Variants in KCNJ6 observed in about 807,000 individuals in gnomAD.
KCNJ6 encodes G protein-activated inward rectifier potassium channel 2.
A neutral mutation model predicts 34.2 loss-of-function variants in KCNJ6; 9 were observed. The observed-to-expected ratio is 0.26, with a 90% CI of 0.16 to 0.46. The LOEUF is 0.46. Among genes scored for constraint, KCNJ6 ranks in the 20% least tolerant of loss-of-function variants. The pLI is 1.00. For missense variants in KCNJ6, 236 were observed against 531.3 expected (o/e 0.44, Z 5.46); for synonymous variants, 196 against 207.1 (o/e 0.95, Z 0.46).
chr21:37,798,140 C>T (rs918505788), intron 2 of KCNJ6, among the ~76,000 whole-genome samples: 7 of 152,168 alleles, frequency 4.6e-5, no homozygotes, highest in Admixed American at 3.9e-4. Flanking sequence ...TTATTACAAG[C>T]CCTGTTTTAC....
intron 1 of KCNJ6, among the ~76,000 whole-genome samples, chr21:37,913,629 C>A (rs2055877667): frequency 6.6e-6 from 1 of 152,122 alleles, no homozygotes; most frequent in African/African-American, 2.4e-5. Context: ...ACCAGCCTGA[C>A]CAACATGGTG....
chr21:37,631,205 A>C, intron 3 of KCNJ6, among the ~76,000 whole-genome samples: 1 of 152,196 alleles, frequency 6.6e-6, no homozygotes, highest in East Asian at 1.9e-4. Flanking sequence ...AAGTGAAAAG[A>C]GTAGACTTAG....
Position 37,788,301 on chromosome 21 carries a change from C to A in KCNJ6, c.25+52357G>T, listed in dbSNP as rs143574401. Among the ~76,000 whole-genome samples the A allele has an allele frequency of 1.2e-4, 18 of 152,248 alleles. No homozygotes were observed. In the East Asian group the frequency reaches 3.5e-3, roughly 29 times the overall value. On this transcript the variant is annotated intron_variant, in intron 2 of 3. Transcript: ENST00000609713. ...CAGTAGCTAGCCATGGAACATGGAG[C>A]TTCTTTTTGATCTTTTTGATATAGT...
intron 3 of KCNJ6, among the ~76,000 whole-genome samples, chr21:37,696,889 T>A (rs2054665907): frequency 6.6e-6 from 1 of 152,166 alleles, no homozygotes. Flanking sequence ...ATGTGGAAGA[T>A]CATTCCTTCT....
At chr21:37,662,143 GGTTT>G (rs1304647620) in intron 3 of KCNJ6, among the ~76,000 whole-genome samples, 1 of 152,026 alleles carries the variant, frequency 6.6e-6, no homozygotes, top group African/African-American at 2.4e-5. Flanking sequence ...AGGATGTACA[GGTTT>G]GTTACATAGG....
At chr21:37,663,468 A>C (rs79027419) in intron 3 of KCNJ6, among the ~76,000 whole-genome samples, 87,267 of 151,400 alleles carry the variant, frequency 0.58, 25,360 homozygotes, top group East Asian at 0.83. Flanking sequence ...TGAAACAAAA[A>C]AAAAAAATCC....
At chr21:37,644,476 C>T (rs16995317) in intron 3 of KCNJ6, among the ~76,000 whole-genome samples, 13,671 of 152,082 alleles carry the variant, frequency 0.09, 772 homozygotes, top group South Asian at 0.22. Context: ...CGAGATTTGC[C>T]TCTGTGGTAT....
chr21:37,915,837 G>A (rs2055890921), intron 1 of KCNJ6, 47 bp downstream of exon 1: 2 of 152,274 alleles, frequency 1.3e-5, no homozygotes, highest in African/African-American at 2.4e-5. Flanking sequence ...GCCTCGCCCA[G>A]GTGGACGCCA....
chr21:37,718,765 T>C (rs770623512), intron 2 of KCNJ6, among the ~76,000 whole-genome samples: 13 of 152,154 alleles, frequency 8.5e-5, no homozygotes, highest in Admixed American at 2.6e-4. Context: ...TGTATACCTA[T>C]GTAACAAACC....
At chr21:37,633,774 C>G (rs1010769841) in intron 3 of KCNJ6, among the ~76,000 whole-genome samples, 1 of 151,956 alleles carries the variant, frequency 6.6e-6, no homozygotes, top group Non-Finnish European at 1.5e-5. Context: ...TGACAATTTA[C>G]AAATTATACA....
At chr21:37,869,335 T>C (rs937373184) in intron 1 of KCNJ6, among the ~76,000 whole-genome samples, 1 of 152,258 alleles carries the variant, frequency 6.6e-6, no homozygotes, top group Admixed American at 6.5e-5. Flanking sequence ...CAAGCATTCC[T>C]TTCTGGGTAA....
At chr21:37,774,133 G>C (rs1257383840) in intron 2 of KCNJ6, among the ~76,000 whole-genome samples, 1 of 152,132 alleles carries the variant, frequency 6.6e-6, no homozygotes, top group Non-Finnish European at 1.5e-5. Context: ...TAGCATAACA[G>C]GTAAGAGTGA....
At position 37,675,061 on chromosome 21, in the gene KCNJ6, G is replaced by A. The variant is rs2054558573; in HGVS notation, c.946+39150C>T. ...ATGCAGTCCTGCTCGGAGCTCCTCT[G>A]CTGCTCCGGGTTTGACTCAATCGAC... On this transcript the variant is annotated intron_variant, in intron 3 of 3. Transcript: ENST00000609713. The surrounding 1 kb of genome is among the most constrained non-coding windows in gnomAD (Gnocchi z 4.2). 6.6e-6 allele frequency among the ~76,000 whole-genome samples: 1 copy of A among 152,090 alleles called. No individual in the cohort carries two copies. Among genetic ancestry groups the A allele is most frequent in the Non-Finnish European group, 1.5e-5 (1 of 68,024 alleles).
At chr21:37,688,590 G>C (rs2835893) in intron 3 of KCNJ6, among the ~76,000 whole-genome samples, 2 of 151,964 alleles carry the variant, frequency 1.3e-5, no homozygotes, top group Admixed American at 6.5e-5. Flanking sequence ...GCTTTTCCTA[G>C]TGAGCCTAAC....
At chr21:37,671,511 T>C (rs1404700973) in intron 3 of KCNJ6, among the ~76,000 whole-genome samples, 1 of 152,254 alleles carries the variant, frequency 6.6e-6, no homozygotes, top group Non-Finnish European at 1.5e-5. Flanking sequence ...AGTGGTTCCC[T>C]GAGTTCTGTG....
intron 1 of KCNJ6, among the ~76,000 whole-genome samples, chr21:37,906,954 A>G (rs1473215358): frequency 2.6e-5 from 4 of 152,226 alleles, no homozygotes; most frequent in Non-Finnish European, 5.9e-5. Flanking sequence ...CTGAAGAGGA[A>G]GGAATCTACC....
intron 2 of KCNJ6, among the ~76,000 whole-genome samples, chr21:37,828,613 T>C (rs564857284): frequency 7.5e-4 from 114 of 152,340 alleles, no homozygotes; most frequent in African/African-American, 2.5e-3. Flanking sequence ...AAGCAGGTGT[T>C]TGCATCAGTC....
chr21:37,674,474 A>ACCTCACTCGCCTCCTCTCTGC (rs2054555543), intron 3 of KCNJ6, among the ~76,000 whole-genome samples: 1 of 150,022 alleles, frequency 6.7e-6, no homozygotes, highest in Non-Finnish European at 1.5e-5. Flanking sequence ...GGTGCCTGTG[A>ACCTCACTCGCCTCCTCTCTGC]CCTCACTCGC....
intron 1 of KCNJ6, among the ~76,000 whole-genome samples, chr21:37,874,303 G>C (rs767895755): frequency 3.6e-4 from 55 of 152,120 alleles, no homozygotes; most frequent in Admixed American, 1.4e-3. Flanking sequence ...CCTTTTCTTT[G>C]CTGGTTTCTC....
Sources: gnomAD v4.1 joint callset for allele counts (sites outside exome capture counted in the v4.1 genomes callset) on GRCh38, gnomAD v4.1.1 for gene constraint, Gnocchi (gnomAD v3.1) non-coding constraint, MANE v1.5 for transcripts, NCBI Gene and HGNC (gene_info 2026-07-23, HGNC 2026-07-21) for gene names.